Variants in STK32B observed in about 807,000 individuals in gnomAD.
STK32B encodes serine/threonine kinase 32B.
STK32B carries 43 observed loss-of-function variants against 52.6 expected under a neutral mutation model. The observed-to-expected ratio is 0.82, with a 90% CI of 0.64 to 1.05. The LOEUF is 1.05. STK32B is among the 50% of genes least tolerant of loss of function. The probability of loss-of-function intolerance (pLI) is 0.00; values close to 1 mark genes in which losing one functional copy is unlikely to be tolerated. For missense variants in STK32B, 621 were observed against 534.6 expected (o/e 1.16, Z -1.59); for synonymous variants, 238 against 204.3 (o/e 1.17, Z -1.41).
intron 4 of STK32B, among the ~76,000 whole-genome samples, chr4:5,391,133 G>T (rs1169758474): frequency 6.6e-5 from 10 of 151,644 alleles, no homozygotes; most frequent in African/African-American, 2.4e-4. Flanking sequence ...TAATTTTTTT[G>T]TATTTTTAGT....
intron 4 of STK32B, among the ~76,000 whole-genome samples, chr4:5,366,158 G>A (rs900433030): frequency 2.0e-5 from 3 of 152,140 alleles, no homozygotes; most frequent in Admixed American, 2.0e-4. Flanking sequence ...GCTGTGCTCC[G>A]AGCAGAAAGT....
chr4:5,489,274 A>C (rs1276778449), intron 11 of STK32B, among the ~76,000 whole-genome samples: 1 of 152,196 alleles, frequency 6.6e-6, no homozygotes, highest in East Asian at 1.9e-4. Context: ...AGACAAAGCT[A>C]ATCATCATTT....
chr4:5,191,428 A>AT (rs562029885), intron 3 of STK32B, among the ~76,000 whole-genome samples: 50 of 151,710 alleles, frequency 3.3e-4, no homozygotes, highest in South Asian at 6.3e-4. Context: ...TTTTTGTTGT[A>AT]TTTTTTTAGT....
chr4:5,306,949 A>G, intron 3 of STK32B, among the ~76,000 whole-genome samples: 1 of 152,168 alleles, frequency 6.6e-6, no homozygotes, highest in Non-Finnish European at 1.5e-5. Context: ...TTGTTTAAGG[A>G]GGCTAAAGAT....
At chr4:5,497,351 A>G (rs1015651175) in intron 11 of STK32B, among the ~76,000 whole-genome samples, 3 of 152,244 alleles carry the variant, frequency 2.0e-5, no homozygotes, top group Non-Finnish European at 4.4e-5. Flanking sequence ...TAAACTATAT[A>G]TTTACTAAGA....
chr4:5,401,237 A>G (rs976005254), intron 5 of STK32B, among the ~76,000 whole-genome samples: 4 of 152,194 alleles, frequency 2.6e-5, no homozygotes, highest in African/African-American at 9.6e-5. Flanking sequence ...AATGAGTCCT[A>G]AGGGCACCCC....
chr4:5,089,874 C>CTAA (rs1338814566), intron 1 of STK32B, among the ~76,000 whole-genome samples: 22 of 152,170 alleles, frequency 1.4e-4, no homozygotes, highest in Non-Finnish European at 2.6e-4. Flanking sequence ...TCCACAGCAT[C>CTAA]TATTGTTTCC....
chr4:5,125,671 C>T (rs1577085086), intron 1 of STK32B, among the ~76,000 whole-genome samples: 2 of 152,276 alleles, frequency 1.3e-5, no homozygotes, highest in Non-Finnish European at 2.9e-5. Flanking sequence ...GACACGTCTC[C>T]CTGGTTTTCC....
At chr4:5,231,411 G>T (rs939215956) in intron 3 of STK32B, among the ~76,000 whole-genome samples, 1 of 152,142 alleles carries the variant, frequency 6.6e-6, no homozygotes, top group Non-Finnish European at 1.5e-5. Flanking sequence ...AGGAGTTCGA[G>T]ACCAGCCTGG....
chr4:5,392,693 A>G (rs1736661090), intron 4 of STK32B, among the ~76,000 whole-genome samples: 1 of 152,188 alleles, frequency 6.6e-6, no homozygotes, highest in South Asian at 2.1e-4. Context: ...TCTCTTTATC[A>G]GTAAAATAGG....
At chr4:5,236,409 G>T (rs981721541) in intron 3 of STK32B, among the ~76,000 whole-genome samples, 14 of 152,014 alleles carry the variant, frequency 9.2e-5, no homozygotes, top group Non-Finnish European at 2.9e-5. Flanking sequence ...ACGGCTTAAA[G>T]AATTTTCAAA....
chr4:5,416,148 A>C (rs1283010123), intron 5 of STK32B, among the ~76,000 whole-genome samples: 3 of 152,166 alleles, frequency 2.0e-5, no homozygotes, highest in Non-Finnish European at 4.4e-5. Context: ...TTCCCAAAAA[A>C]CAAGTACTGA....
Position 5,406,266 on chromosome 4 carries a change from T to C in STK32B, c.472+8022T>C, listed in dbSNP as rs559635576. Among the ~76,000 whole-genome samples, 75 of 152,310 alleles carry C rather than the reference T, an allele frequency of 4.9e-4. 1 individual carries two copies. The highest frequency in any genetic ancestry group is 1.6e-3 in the African/African-American group (65 of 41,554). On this transcript the variant is annotated intron_variant, in intron 5 of 11. Transcript: ENST00000282908. ...CCAAGGCCTTGGGCATCTCTGCCCG[T>C]GTTGCTCTGCATGGTACAGCCCCCT...
In STK32B at chr4:5,186,655, T is replaced by C. The variant is rs371372375; in HGVS notation, c.260+18205T>C. 4.6e-5 allele frequency among the ~76,000 whole-genome samples: 7 copies of C among 152,114 alleles called. No homozygotes were observed. The East Asian group carries it at 5.8e-4, about 13-fold the overall frequency. ...CTGGTCCATCCCCAACACACAGAGATGGAGAATGTCCCTGGGGTTTTCCCA... is the reference window on the plus strand; with the variant it reads ...CTGGTCCATCCCCAACACACAGAGACGGAGAATGTCCCTGGGGTTTTCCCA... On this transcript the variant is annotated intron_variant, in intron 3 of 11. Transcript: ENST00000282908.
chr4:5,416,321 GC>G (rs1483646208), intron 5 of STK32B, among the ~76,000 whole-genome samples: 2 of 151,922 alleles, frequency 1.3e-5, no homozygotes, highest in African/African-American at 4.8e-5. Context: ...GCCTATCCAT[GC>G]CCATCTGCTG....
intron 1 of STK32B, among the ~76,000 whole-genome samples, chr4:5,081,146 T>A (rs1712398589): frequency 6.6e-6 from 1 of 152,242 alleles, no homozygotes; most frequent in Non-Finnish European, 1.5e-5. Context: ...TTTTGTTTTT[T>A]AAAGGCTGAA....
At chr4:5,131,519 C>T (rs1035130449) in intron 1 of STK32B, among the ~76,000 whole-genome samples, 2 of 152,170 alleles carry the variant, frequency 1.3e-5, no homozygotes, top group African/African-American at 4.8e-5. Context: ...GAGCCCTTAC[C>T]CCAGCCTGTG....
chr4:5,337,086 C>T (rs1195653024), intron 4 of STK32B, among the ~76,000 whole-genome samples: 1 of 152,076 alleles, frequency 6.6e-6, no homozygotes, highest in Non-Finnish European at 1.5e-5. Flanking sequence ...TCAAGTGATC[C>T]TCCCACCTCA....
chr4:5,224,074 A>G (rs1402833818), intron 3 of STK32B, among the ~76,000 whole-genome samples: 5 of 152,164 alleles, frequency 3.3e-5, no homozygotes, highest in Non-Finnish European at 7.3e-5. Flanking sequence ...CGCATATCTG[A>G]TTTAGATGAT....
Sources: gnomAD v4.1 joint callset for allele counts (sites outside exome capture counted in the v4.1 genomes callset) on GRCh38, gnomAD v4.1.1 for gene constraint, MANE v1.5 for transcripts, NCBI Gene and HGNC (gene_info 2026-07-23, HGNC 2026-07-21) for gene names.